The following CTIF variants were observed in gnomAD, a reference collection of about 807,000 sequenced individuals.
CTIF encodes the protein CBP80/20-dependent translation initiation factor.
Under a neutral mutation model 66.0 loss-of-function variants are expected in CTIF, and 21 were observed. The observed-to-expected ratio is 0.32, with a 90% CI of 0.23 to 0.46. The LOEUF (loss-of-function observed/expected upper bound fraction) is 0.46, where lower values mean the gene tolerates loss of function less well. CTIF is among the 20% of genes least tolerant of loss of function. The probability of loss-of-function intolerance (pLI) is 1.00; values close to 1 mark genes in which losing one functional copy is unlikely to be tolerated. For missense variants in CTIF, 739 were observed against 812.7 expected, an observed-to-expected ratio of 0.91 and a Z score of 1.10; for synonymous variants, 345 against 326.4, an observed-to-expected ratio of 1.06 and a Z score of -0.62.
chr18:48,664,491 A>G lies in CTIF; in HGVS notation c.371A>G (p.Gln124Arg). ...CAGCCGGAAAAGCTGGACTTCACCC[A>G]GTTCCACCGCAAAGTCCGACACACG... ...DLQPEKLDFT[Q>R]FHRKVRHTPK... is the part of the protein sequence containing the mutation. The change falls in exon 5 of 12, where the codon CAG becomes CGG. Residue 124 changes from glutamine (Q) to arginine (R), a missense_variant. Transcript: ENST00000256413. 2 of 1,613,668 alleles carry G rather than the reference A, an allele frequency of 1.2e-6. No individual in the cohort carries two copies. Among genetic ancestry groups the G allele is most frequent in the Non-Finnish European group, 1.7e-6 (2 of 1,179,986 alleles).
At chr18:48,763,365 G>A (rs1598997616) in intron 9 of CTIF, among the ~76,000 whole-genome samples, 1 of 152,356 alleles carries the variant, frequency 6.6e-6, no homozygotes, top group African/African-American at 2.4e-5. Flanking sequence ...TGGTAAGGGT[G>A]GCCTCACCCA....
intron 6 of CTIF, among the ~76,000 whole-genome samples, chr18:48,689,883 C>G (rs1475576306): frequency 5.3e-5 from 8 of 152,192 alleles, no homozygotes; most frequent in Non-Finnish European, 8.8e-5. Context: ...GTGAATCTGG[C>G]TTGCAGTCAT....
intron 7 of CTIF, among the ~76,000 whole-genome samples, chr18:48,734,186 C>T (rs753050690): frequency 2.6e-5 from 4 of 152,246 alleles, no homozygotes; most frequent in Non-Finnish European, 5.9e-5. Context: ...TCCCCTGGGA[C>T]AAGGAGTGGG....
chr18:48,654,895 G>T (rs774061726), intron 3 of CTIF, among the ~76,000 whole-genome samples: 1 of 151,770 alleles, frequency 6.6e-6, no homozygotes, highest in African/African-American at 2.4e-5. Context: ...AACACCACAC[G>T]TTCTCACTCA....
At chr18:48,771,902 G>A (rs936737009) in intron 9 of CTIF, among the ~76,000 whole-genome samples, 1 of 152,236 alleles carries the variant, frequency 6.6e-6, no homozygotes, top group Non-Finnish European at 1.5e-5. Context: ...GCCCAGACAG[G>A]GCGCCTCTAC....
At chr18:48,617,384 G>T (rs981727145) in intron 1 of CTIF, among the ~76,000 whole-genome samples, 1 of 152,188 alleles carries the variant, frequency 6.6e-6, no homozygotes, top group African/African-American at 2.4e-5. Context: ...CGACTAATTT[G>T]GGATTTAATT....
At chr18:48,683,042 C>T (rs2091774072) in intron 6 of CTIF, 1 of 152,286 alleles carries the variant, frequency 6.6e-6, no homozygotes, top group Non-Finnish European at 1.5e-5. Flanking sequence ...GAACCATCCA[C>T]AGCGTGCTGG....
chr18:48,654,216 C>A (rs1034704246), intron 3 of CTIF, among the ~76,000 whole-genome samples: 1 of 152,090 alleles, frequency 6.6e-6, no homozygotes, highest in African/African-American at 2.4e-5. Flanking sequence ...AAAATTTTTA[C>A]AATCTACCCA....
intron 1 of CTIF, among the ~76,000 whole-genome samples, chr18:48,568,657 A>G (rs1022755383): frequency 2.1e-5 from 3 of 144,764 alleles, no homozygotes; most frequent in Non-Finnish European, 4.5e-5. Flanking sequence ...AAAAAAAAAA[A>G]AAAAAAAAAA....
At chr18:48,582,993 T>C (rs2089692885) in intron 1 of CTIF, among the ~76,000 whole-genome samples, 1 of 152,260 alleles carries the variant, frequency 6.6e-6, no homozygotes, top group South Asian at 2.1e-4. Context: ...CAGCTGAGGG[T>C]CAGCACCTCT....
chr18:48,717,440 AATAAATAAT>A (rs930354566), intron 7 of CTIF, among the ~76,000 whole-genome samples: 2 of 148,236 alleles, frequency 1.3e-5, no homozygotes, highest in African/African-American at 5.1e-5. Context: ...TAAATAAATA[AATAAATAAT>A]AAGAATTTTG....
chr18:48,763,262 C>T (rs377648784), intron 9 of CTIF, among the ~76,000 whole-genome samples: 10 of 152,326 alleles, frequency 6.6e-5, no homozygotes, highest in East Asian at 1.9e-4. Context: ...CAGCCAGACC[C>T]GGTGGCAGAC....
intron 1 of CTIF, among the ~76,000 whole-genome samples, chr18:48,596,692 G>T (rs1242116183): frequency 6.6e-6 from 1 of 151,968 alleles, no homozygotes; most frequent in East Asian, 1.9e-4. Flanking sequence ...TAGCCAGGAT[G>T]GTCTCCATCT....
chr18:48,608,483 T>TG (rs893231626), intron 1 of CTIF, among the ~76,000 whole-genome samples: 15 of 140,924 alleles, frequency 1.1e-4, no homozygotes, highest in East Asian at 7.0e-4. Flanking sequence ...TCGAAAGTGG[T>TG]GGGGGGGTGG....
In CTIF at chr18:48,699,747, G is replaced by A. The variant is rs76344870; in HGVS notation, c.508-11872G>A. Among the ~76,000 whole-genome samples, 184 of 152,290 alleles carry A rather than the reference G, an allele frequency of 1.2e-3. 5 individuals carry two copies. The highest frequency in any genetic ancestry group is 8.6e-3 in the Admixed American group (131 of 15,306). Reference sequence around the variant, plus strand: ...TGCCCAGTCATCTCATTTAACCCTCGTAACGGTCCTCTGATATGCGTATGC... The same window carrying A: ...TGCCCAGTCATCTCATTTAACCCTCATAACGGTCCTCTGATATGCGTATGC... On this transcript the variant is annotated intron_variant, in intron 6 of 11. Coordinates refer to ENST00000256413, the MANE Select transcript of CTIF (RefSeq NM_014772.3).
At chr18:48,801,324 C>T (rs563926927) in intron 9 of CTIF, among the ~76,000 whole-genome samples, 10 of 152,338 alleles carry the variant, frequency 6.6e-5, no homozygotes, top group East Asian at 1.9e-4. Flanking sequence ...ATTTCACAGA[C>T]GCAAACGTTG....
chr18:48,615,468 T>C (rs1249840333), intron 1 of CTIF, among the ~76,000 whole-genome samples: 2 of 152,288 alleles, frequency 1.3e-5, no homozygotes, highest in East Asian at 3.9e-4. Flanking sequence ...CTGTTCCCCC[T>C]GGAAAACGAG....
chr18:48,734,390 A>T lies in CTIF; in HGVS notation c.584+22695A>T, dbSNP rs190718520. Among the ~76,000 whole-genome samples, 3 of 152,186 alleles carry T rather than the reference A, an allele frequency of 2.0e-5. No homozygotes were observed. In the East Asian group the frequency reaches 5.8e-4, roughly 29 times the overall value. On this transcript the variant is annotated intron_variant, in intron 7 of 11. Transcript: ENST00000256413. ...AGACAGGCTTGGCCAACATGGTGAA[A>T]CCCCGTCTCTACTAAAAATACAAAA...
rs768883954 is a variant in CTIF at position 48,758,161 on chromosome 18, C to A, written c.827C>A (p.Thr276Asn). 3.7e-6 allele frequency: 6 copies of A among 1,614,012 alleles called. No homozygotes were observed. In the East Asian group the frequency reaches 1.3e-4, roughly 36 times the overall value. ...CACCGCAATGCCAAAGAGACCATGA[C>A]CATCGAGAACCCAAAACTGGAGGAC... ...GAHRNAKETM[T>N]IENPKLEDTA... Residue 276 changes from threonine to asparagine, a missense_variant, in exon 8 of 12, where the codon ACC becomes AAC. Transcript: ENST00000256413.
Sources: allele counts gnomAD v4.1 joint callset (sites outside exome capture counted in the v4.1 genomes callset), GRCh38; gene constraint gnomAD v4.1.1; transcripts MANE v1.5; gene names NCBI Gene and HGNC (gene_info 2026-07-23, HGNC 2026-07-21).